The following AWAT1 variants were observed in gnomAD, a reference collection of about 807,000 sequenced individuals.
AWAT1 encodes acyl-CoA wax alcohol acyltransferase 1.
Under a neutral mutation model 21.6 loss-of-function variants are expected in AWAT1, and 26 were observed. That is an observed-to-expected ratio of 1.20 (90% CI 0.88 to 1.67). AWAT1 has a LOEUF of 1.67. Among genes scored for constraint, AWAT1 ranks in the 40% most tolerant of loss-of-function variants. The pLI is 0.00. For missense variants in AWAT1, 264 were observed against 249.4 expected, an observed-to-expected ratio of 1.06 and a Z score of -0.39; for synonymous variants, 102 against 99.3, an observed-to-expected ratio of 1.03 and a Z score of -0.16.
rs777638144 is a variant in AWAT1 at position 70,234,762 on chromosome X, C to G, written c.67C>G (p.Leu23Val). 3 of 1,208,144 alleles carry G rather than the reference C, an allele frequency of 2.5e-6. No individual in the cohort carries two copies. Among genetic ancestry groups the G allele is most frequent in the Non-Finnish European group, 3.4e-6 (3 of 892,722 alleles). Residue 23 changes from leucine to valine, a missense_variant, in exon 1 of 7, where the codon CTT becomes GTT. Coordinates refer to ENST00000374521, the MANE Select transcript of AWAT1 (RefSeq NM_001013579.3). ...LMLLQWPLSYLAIFWILQPLF... is the reference protein window; with the variant it reads ...LMLLQWPLSYVAIFWILQPLF... ...GCTTCTGCAGTGGCCTTTGAGCTAC[C>G]TTGCCATCTGTGAGTATTGACCCAA...
rs1189476116 is a variant in AWAT1, at chrX:70,235,732, A to G, written c.93A>G (p.Pro31=). Residue 31 remains proline (P), a synonymous_variant, in exon 2 of 7, where the codon CCA becomes CCG. Transcript: ENST00000374521. Reference sequence around the variant, plus strand: ...CCTCATCAGTTTGGATCTTGCAGCCATTGTTCGTCTACCTGCTGTTTACAT... The same window carrying G: ...CCTCATCAGTTTGGATCTTGCAGCCGTTGTTCGTCTACCTGCTGTTTACAT... ...SYLAIFWILQ[P]LFVYLLFTSL... 5.8e-6 allele frequency: 7 copies of G among 1,208,139 alleles called. No homozygotes were observed. Among genetic ancestry groups the G allele is most frequent in the Non-Finnish European group, 7.8e-6 (7 of 894,070 alleles).
chrX:70,238,077 C>T, intron 4 of AWAT1, 135 bp from the exon 5 acceptor site: 2 of 577,890 alleles, frequency 3.5e-6, no homozygotes, highest in Non-Finnish European at 5.2e-6. Flanking sequence ...TTTTCTTCTC[C>T]ACACTCTTTA....
At position 70,240,612 on chromosome X, in the gene AWAT1, C is replaced by G. The variant is rs771628453; in HGVS notation, c.*322C>G. The stretch of plus-strand genomic sequence containing the variant: ...CTGGGCAACTATCTACTTTCTGTCT[C>G]TGTGGATTTGCCAATTCTGAACATT... On this transcript the variant is annotated 3_prime_UTR_variant, in exon 7 of 7. Coordinates refer to ENST00000374521, the MANE Select transcript of AWAT1 (RefSeq NM_001013579.3). 22 of 239,781 alleles carry G rather than the reference C, an allele frequency of 9.2e-5. No homozygotes were observed. In the South Asian group the frequency reaches 3.8e-3, roughly 42 times the overall value. The allele number at this position is 239,781 out of a possible 1,213,427, so 19.8% of individuals were successfully genotyped here.
intron 5 of AWAT1, among the ~76,000 whole-genome samples, chrX:70,239,238 T>A (rs1152195): frequency 8.9e-6 from 1 of 112,093 alleles, no homozygotes; most frequent in Admixed American, 9.4e-5. Flanking sequence ...GAGGAACCAG[T>A]AAGGTAACAT....
In AWAT1 at chrX:70,234,683, G is replaced by A. The variant is rs909708072; in HGVS notation, c.-13G>A. 2.4e-5 allele frequency: 29 copies of A among 1,204,693 alleles called. No individual in the cohort carries two copies. The highest frequency in any genetic ancestry group is 3.1e-5 in the Non-Finnish European group (28 of 891,311). On this transcript the variant is annotated 5_prime_UTR_variant, in exon 1 of 7. Transcript: ENST00000374521. Reference sequence around the variant, plus strand: ...GTTCTGAGATCTTTGCCTCCCTCAGGCTCCCGAGAATCATGGCTCATTCCA... The same window carrying A: ...GTTCTGAGATCTTTGCCTCCCTCAGACTCCCGAGAATCATGGCTCATTCCA...
In AWAT1 at chrX:70,240,324, G is replaced by T; in HGVS notation, c.*34G>T. On this transcript the variant is annotated 3_prime_UTR_variant, in exon 7 of 7. Transcript: ENST00000374521. ...ACTGCATGCCCAGGAGCACAGGAGT[G>T]CCTGCCTTGAAGAAGAGACTCATCT... The T allele has an allele frequency of 8.4e-7, 1 of 1,189,970 alleles. No homozygotes were observed. Among genetic ancestry groups the T allele is most frequent in the Non-Finnish European group, 1.1e-6 (1 of 881,470 alleles).
At chrX:70,237,851 A>C (rs1197844406) in intron 4 of AWAT1, among the ~76,000 whole-genome samples, 2 of 106,682 alleles carry the variant, frequency 1.9e-5, no homozygotes, top group Non-Finnish European at 3.9e-5. Context: ...AAAAAAAAAA[A>C]AAAAAGAATT....
Position 70,234,745 on chromosome X carries a change from A to G in AWAT1, c.50A>G (p.Gln17Arg). 3.3e-6 allele frequency: 4 copies of G among 1,210,399 alleles called. No individual in the cohort carries two copies. The highest frequency in any genetic ancestry group is 4.5e-6 in the Non-Finnish European group (4 of 894,599). Residue 17 changes from glutamine to arginine, a missense_variant, in exon 1 of 7, where the codon CAG (glutamine) becomes CGG (arginine). By Grantham distance (43) the Gln-to-Arg change is conservative. Transcript: ENST00000374521. ...PSHFQSLMLL[Q>R]WPLSYLAIFW... ...CACTTCCAGAGTCTGATGCTTCTGCAGTGGCCTTTGAGCTACCTTGCCATC... is the reference window on the plus strand; with the variant it reads ...CACTTCCAGAGTCTGATGCTTCTGCGGTGGCCTTTGAGCTACCTTGCCATC...
chrX:70,236,759 A>C (rs756550571), intron 3 of AWAT1, among the ~76,000 whole-genome samples: 3 of 111,819 alleles, frequency 2.7e-5, no homozygotes, highest in African/African-American at 9.8e-5. Flanking sequence ...TCTTTTTCAC[A>C]AAAGTGCTCA....
chrX:70,236,129 TC>T lies in AWAT1; in HGVS notation c.249del (p.Ile84LeufsTer4). ...WCVWTHIRDY[F>X]PITILKTKDL... ...GTCTGGACCCACATCAGGGACTATT[TC>T]CCCATTACGGTAAGTATCTCTTCCC... On this transcript the variant is annotated frameshift_variant, in exon 3 of 7. Coordinates refer to ENST00000374521, the MANE Select transcript of AWAT1 (RefSeq NM_001013579.3). LOFTEE classifies it high-confidence loss of function. 1 of 1,209,113 alleles carries T rather than the reference TC, an allele frequency of 8.3e-7. No homozygotes were observed. Among genetic ancestry groups the T allele is most frequent in the East Asian group, 3.0e-5 (1 of 33,832 alleles).
intron 4 of AWAT1, among the ~76,000 whole-genome samples, chrX:70,237,543 C>T (rs970924018): frequency 3.7e-5 from 4 of 109,550 alleles, no homozygotes; most frequent in African/African-American, 1.0e-4. Context: ...GTAAAGAATT[C>T]GACACTGGCC....
At chrX:70,237,353 A>AT (rs2085518642) in intron 4 of AWAT1, 105 bp downstream of exon 4, 1 of 701,190 alleles carries the variant, frequency 1.4e-6, no homozygotes, top group African/African-American at 2.3e-5. Context: ...CCATGTCATT[A>AT]TGGCATAGTA....
intron 3 of AWAT1, 64 bp from the exon 4 acceptor site, chrX:70,236,980 C>A: frequency 9.8e-7 from 1 of 1,020,337 alleles, no homozygotes; most frequent in Non-Finnish European, 1.4e-6. Context: ...TGAAGTATCA[C>A]CACCCTTGTT....
rs1339800160 is a variant in AWAT1 at position 70,239,804 on chromosome X, T to C, written c.702T>C (p.Asp234=). 2 of 1,208,024 alleles carry C rather than the reference T, an allele frequency of 1.7e-6. No homozygotes were observed. Among genetic ancestry groups the C allele is most frequent in the East Asian group, 3.0e-5 (1 of 33,736 alleles). The part of the protein sequence containing the change: ...EVYDQVLFHK[D]SRMYKFQSCF... ...ATGATCAGGTGCTGTTCCATAAGGA[T>C]AGCAGGATGTACAAGTTCCAGAGCT... is the stretch of plus-strand genomic sequence containing the variant. The change falls in exon 6 of 7, where the codon GAT becomes GAC. Residue 234 remains aspartate (D), a synonymous_variant. Transcript: ENST00000374521.
chrX:70,236,158 G>A lies in AWAT1; in HGVS notation c.255+19G>A. ...CATTACGGTAAGTATCTCTTCCCCAGTGTCCTCAGAGTTCCCAAAATACTG... is the reference window on the plus strand; with the variant it reads ...CATTACGGTAAGTATCTCTTCCCCAATGTCCTCAGAGTTCCCAAAATACTG... On this transcript the variant is annotated intron_variant, in intron 3 of 6. Coordinates refer to ENST00000374521, the MANE Select transcript of AWAT1 (RefSeq NM_001013579.3). 1 of 1,178,954 alleles carries A rather than the reference G, an allele frequency of 8.5e-7. No homozygotes were observed. Among genetic ancestry groups the A allele is most frequent in the Non-Finnish European group, 1.2e-6 (1 of 865,767 alleles).
chrX:70,239,847 G>C lies in AWAT1; in HGVS notation c.745G>C (p.Gly249Arg). ...KFQSCFRRIF[G>R]FYCCVFYGQS... ...CCAGAGCTGCTTCCGCCGTATCTTT[G>C]GTTTCTACTGTTGTGTCTTCTATGG... The change falls in exon 6 of 7, where the codon GGT becomes CGT. Residue 249 changes from glycine to arginine, a missense_variant. Gly to Arg is a moderately radical substitution (Grantham distance 125). Coordinates refer to ENST00000374521, the MANE Select transcript of AWAT1 (RefSeq NM_001013579.3). 8.3e-7 allele frequency: 1 copy of C among 1,210,093 alleles called. No homozygotes were observed. The highest frequency in any genetic ancestry group is 1.1e-6 in the Non-Finnish European group (1 of 894,145).
chrX:70,239,911 A>C lies in AWAT1; in HGVS notation c.809A>C (p.Tyr270Ser). 2.5e-6 allele frequency: 3 copies of C among 1,209,338 alleles called. No homozygotes were observed. Among genetic ancestry groups the C allele is most frequent in the Non-Finnish European group, 3.4e-6 (3 of 894,431 alleles). ...FCQGSTGLLPYSRPIVTVVGE... is the reference protein window; with the variant it reads ...FCQGSTGLLPSSRPIVTVVGE... ...CAAGGCTCCACTGGGCTCCTGCCAT[A>C]CTCCAGGCCTATTGTCACTGTGGGT... Residue 270 changes from tyrosine to serine, a missense_variant, in exon 6 of 7, where the codon TAC (tyrosine) becomes TCC (serine). Physicochemically the swap from Tyr to Ser is moderately radical, Grantham distance 144. Transcript: ENST00000374521.
chrX:70,236,960 C>T, intron 3 of AWAT1, 84 bp from the exon 4 acceptor site: 1 of 895,664 alleles, frequency 1.1e-6, no homozygotes, highest in Non-Finnish European at 1.6e-6. Flanking sequence ...TTAGAGAGCA[C>T]CCTGATCCCT....
chrX:70,239,780 T>C lies in AWAT1; in HGVS notation c.678T>C (p.Tyr226=). Residue 226 remains tyrosine (Y), a synonymous_variant, in exon 6 of 7, where the codon TAT becomes TAC. Transcript: ENST00000374521. ...PTFTFGETEV[Y]DQVLFHKDSR... ...TCACTTTTGGGGAAACTGAGGTGTA[T>C]GATCAGGTGCTGTTCCATAAGGATA... 8.3e-7 allele frequency: 1 copy of C among 1,211,402 alleles called. No homozygotes were observed. Among genetic ancestry groups the C allele is most frequent in the Non-Finnish European group, 1.1e-6 (1 of 895,163 alleles).
Sources: gnomAD v4.1 joint callset for allele counts (sites outside exome capture counted in the v4.1 genomes callset) on GRCh38, gnomAD v4.1.1 for gene constraint, MANE v1.5 for transcripts, NCBI Gene and HGNC (gene_info 2026-07-23, HGNC 2026-07-21) for gene names.